The following DOK7 variants were observed in gnomAD, a reference collection of about 807,000 sequenced individuals.
DOK7 encodes protein Dok-7.
A neutral mutation model predicts 30.7 loss-of-function variants in DOK7; 32 were observed. That is an observed-to-expected ratio of 1.04 (90% confidence interval 0.79 to 1.40). The LOEUF (loss-of-function observed/expected upper bound fraction) is 1.40. Ranked by LOEUF, DOK7 falls within the 40% of genes most tolerant of loss-of-function variation. DOK7 has a pLI of 0.00. For missense variants in DOK7, 1,007 were observed against 699.2 expected (o/e 1.44, Z -4.97); for synonymous variants, 447 against 324.1 (o/e 1.38, Z -4.07).
chr4:3,482,691 C>G (rs141384561), intron 4 of DOK7, among the ~76,000 whole-genome samples: 36 of 152,378 alleles, frequency 2.4e-4, no homozygotes, highest in East Asian at 5.8e-4. Flanking sequence ...TGTTCTCCCC[C>G]CTTTCCCCAA....
At chr4:3,479,975 G>GT (rs1489395406) in intron 4 of DOK7, among the ~76,000 whole-genome samples, 2 of 152,258 alleles carry the variant, frequency 1.3e-5, no homozygotes, top group African/African-American at 4.8e-5. Flanking sequence ...CTCACACACG[G>GT]GCAAGTGACT....
At chr4:3,496,810 T>C, downstream of DOK7, 1 of 1,533,698 alleles carries the variant, frequency 6.5e-7, no homozygotes. Flanking sequence ...CCAGGTTCTC[T>C]TTGGTCTAGG....
chr4:3,478,282 C>T lies in DOK7; in HGVS notation c.532+1740C>T, dbSNP rs538188984. On this transcript the variant is annotated intron_variant, in intron 4 of 6. Coordinates refer to ENST00000340083, the MANE Select transcript of DOK7 (RefSeq NM_173660.5). ...ACACTGGATGTTTTTCCTCTGAGGC[C>T]GTGGAGGTTCACATCCCTGCCGAGG... Among the ~76,000 whole-genome samples, 3 of 152,288 alleles carry T rather than the reference C, an allele frequency of 2.0e-5. No homozygotes were observed. The East Asian group carries it at 5.8e-4, about 29-fold the overall frequency.
At chr4:3,491,010 C>T (rs1026335420) in intron 6 of DOK7, among the ~76,000 whole-genome samples, 14 of 119,262 alleles carry the variant, frequency 1.2e-4, no homozygotes, top group Non-Finnish European at 2.5e-4. Flanking sequence ...CCTTCTTCTT[C>T]CTGCTCATTC....
downstream of DOK7, among the ~76,000 whole-genome samples, chr4:3,497,838 T>C (rs1037136355): frequency 6.6e-6 from 1 of 152,132 alleles, no homozygotes; most frequent in Admixed American, 6.5e-5. Flanking sequence ...CAGTCCAGTG[T>C]GCTGAGGCAG....
In DOK7 at chr4:3,463,357, C is replaced by A; in HGVS notation, c.-19C>A. 6.9e-7 allele frequency: 1 copy of A among 1,459,338 alleles called. No homozygotes were observed. The highest frequency in any genetic ancestry group is 2.8e-5 in the Admixed American group (1 of 35,828). 90.4% of individuals were successfully genotyped at this position (1,459,338 alleles called of 1,614,324 possible). A position where few individuals can be genotyped will look rare whatever the true frequency, so the allele number is the denominator to read the frequency against. ...TGGGGCGCCGGGGCGAGCGCGGCGG[C>A]GCGGAACCATGACAGAAGATGACCG... On this transcript the variant is annotated 5_prime_UTR_variant, in exon 1 of 7. Coordinates refer to ENST00000340083, the MANE Select transcript of DOK7 (RefSeq NM_173660.5).
chr4:3,498,636 T>C (rs1466915269), downstream of DOK7, among the ~76,000 whole-genome samples: 4 of 134,992 alleles, frequency 3.0e-5, no homozygotes, highest in Non-Finnish European at 4.9e-5. Flanking sequence ...CACCACCCCC[T>C]CTTGGCCTAG....
chr4:3,473,277 ATG>A (rs1726868514), intron 2 of DOK7, 127 bp from the exon 3 acceptor site: 1 of 845,334 alleles, frequency 1.2e-6, no homozygotes, highest in South Asian at 1.5e-5. Flanking sequence ...AAGCCTTGGC[ATG>A]GCTGAGTGGC....
At chr4:3,483,401 T>G (rs1395916379) in intron 4 of DOK7, among the ~76,000 whole-genome samples, 2 of 152,164 alleles carry the variant, frequency 1.3e-5, no homozygotes, top group East Asian at 3.9e-4. Context: ...TGCGGTGTCC[T>G]GGGAGGCCAT....
At chr4:3,498,961 C>T (rs554766230), downstream of DOK7, among the ~76,000 whole-genome samples, 5 of 152,322 alleles carry the variant, frequency 3.3e-5, no homozygotes, top group South Asian at 6.2e-4. Context: ...GCAGAATCAG[C>T]GAGTCAGGTC....
rs1728623457 is a variant in DOK7, at chr4:3,493,087, T to C, written c.1101T>C (p.Asp367=). The C allele has an allele frequency of 1.3e-6, 2 of 1,578,338 alleles. No homozygotes were observed. The highest frequency in any genetic ancestry group is 1.7e-6 in the Non-Finnish European group (2 of 1,166,396). The part of the protein sequence containing the change: ...GSSLDVWRAT[D]ELGSLLSLPA... ...GCCTGGACGTGTGGCGGGCCACAGA[T>C]GAACTGGGCTCACTGCTCAGCCTGC... Residue 367 remains aspartate (D), a synonymous_variant, in exon 7 of 7, where the codon GAT becomes GAC. Transcript: ENST00000340083.
At chr4:3,472,400 G>T (rs1726809329) in intron 2 of DOK7, among the ~76,000 whole-genome samples, 3 of 152,204 alleles carry the variant, frequency 2.0e-5, no homozygotes, top group Admixed American at 1.3e-4. Context: ...CAGGGATTTG[G>T]GGTGTTTGTA....
At chr4:3,487,241 G>C (rs927290709) in intron 5 of DOK7, among the ~76,000 whole-genome samples, 28 of 152,104 alleles carry the variant, frequency 1.8e-4, no homozygotes, top group Admixed American at 1.8e-3. Flanking sequence ...GGTTGAGCTG[G>C]GACACTATGC....
At position 3,492,868 on chromosome 4, in the gene DOK7, G is replaced by C. The variant is rs369425286; in HGVS notation, c.882G>C (p.Thr294=). 1.9e-6 allele frequency: 3 copies of C among 1,607,268 alleles called. No individual in the cohort carries two copies. The highest frequency in any genetic ancestry group is 2.7e-5 in the African/African-American group (2 of 74,810). The change falls in exon 7 of 7, where the codon ACG becomes ACC. Residue 294 remains threonine (T), a synonymous_variant. Transcript: ENST00000340083. ...WPEQSSSSAS[T]SQEGPRPAAA... ...AGCAATCCTCGTCGTCAGCCAGCAC[G>C]TCACAGGAGGGGCCTAGACCAGCAG...
chr4:3,480,759 C>T (rs1727396004), intron 4 of DOK7, among the ~76,000 whole-genome samples: 1 of 152,268 alleles, frequency 6.6e-6, no homozygotes, highest in African/African-American at 2.4e-5. Flanking sequence ...GGAACCCTGG[C>T]CTCTGTCAGG....
Position 3,485,569 on chromosome 4 carries a change from AG to A in DOK7, c.568del (p.Glu190SerfsTer56). 6.2e-7 allele frequency: 1 copy of A among 1,604,574 alleles called. No individual in the cohort carries two copies. The highest frequency in any genetic ancestry group is 1.3e-5 in the African/African-American group (1 of 74,458). ...GGCGTCTTCTTCCTGTCCTCGGCCG[AG>A]GGGGAGCAGATCAGCTTCCTGTTCG... ...WAGVFFLSSA[E>X]GEQISFLFDC... is the part of the protein sequence containing the mutation. On this transcript the variant is annotated frameshift_variant, in exon 5 of 7. Coordinates refer to ENST00000340083, the MANE Select transcript of DOK7 (RefSeq NM_173660.5). LOFTEE classifies it high-confidence loss of function.
Position 3,468,539 on chromosome 4 carries a change from T to TGTGTG in DOK7, c.101-4867_101-4866insGTGTG, listed in dbSNP as rs1491455781. Among the ~76,000 whole-genome samples, 263 of 102,876 alleles carry TGTGTG rather than the reference T, an allele frequency of 2.6e-3. 1 individual carries two copies. The highest frequency in any genetic ancestry group is 0.012 in the African/African-American group (250 of 20,220). The allele number at this position is 102,876 out of a possible 152,430, so 67.5% of individuals were successfully genotyped here. A position where few individuals can be genotyped will look rare whatever the true frequency, so the allele number is the denominator to read the frequency against. ...GTATGAGTGTGTGTGACTGTGAGTG[T>TGTGTG]ATGTGTGTGTGCCTGTGTGAGCATG... On this transcript the variant is annotated intron_variant, in intron 2 of 6. Transcript: ENST00000340083.
At chr4:3,495,065 C>T (rs1728829956), downstream of DOK7, among the ~76,000 whole-genome samples, 1 of 152,188 alleles carries the variant, frequency 6.6e-6, no homozygotes, top group African/African-American at 2.4e-5. Context: ...TGAGTTTGGG[C>T]CACATCCACT....
chr4:3,497,920 G>A (rs540346966), downstream of DOK7, among the ~76,000 whole-genome samples: 2 of 152,306 alleles, frequency 1.3e-5, no homozygotes, highest in African/African-American at 4.8e-5. Context: ...TTGCCTCCCC[G>A]AGGCCACCCG....
Sources: gnomAD v4.1 joint callset for allele counts (sites outside exome capture counted in the v4.1 genomes callset) on GRCh38, gnomAD v4.1.1 for gene constraint, MANE v1.5 for transcripts, NCBI Gene and HGNC (gene_info 2026-07-23, HGNC 2026-07-21) for gene names.